The following TMED3 variants were observed in gnomAD, a reference collection of about 807,000 sequenced individuals.
The protein encoded by TMED3 is transmembrane emp24 domain-containing protein 3.
Under a neutral mutation model 15.0 loss-of-function variants are expected in TMED3, and 9 were observed. The observed-to-expected ratio is 0.60, with a 90% CI of 0.36 to 1.04. The LOEUF (loss-of-function observed/expected upper bound fraction) is 1.04, where lower values mean the gene tolerates loss of function less well. Among genes scored for constraint, TMED3 ranks in the 50% least tolerant of loss-of-function variants. TMED3 has a pLI of 0.01. For synonymous variants in TMED3, 117 were observed against 121.4 expected (o/e 0.96, Z 0.24); for missense variants, 267 against 278.9 (o/e 0.96, Z 0.30).
At chr15:79,329,669 G>A (rs1474407826) in intron 2 of TMED3, among the ~76,000 whole-genome samples, 3 of 152,196 alleles carry the variant, frequency 2.0e-5, no homozygotes, top group East Asian at 1.9e-4. Context: ...CCTCAGAGCC[G>A]GAGCAGGTAG....
chr15:79,370,155 A>G (rs1206758030), intron 2 of TMED3, among the ~76,000 whole-genome samples: 1 of 150,736 alleles, frequency 6.6e-6, no homozygotes, highest in East Asian at 2.0e-4. Flanking sequence ...TAGTGGCGTG[A>G]TCTCGGCTCA....
At chr15:79,339,902 T>G (rs2058845021) in intron 2 of TMED3, among the ~76,000 whole-genome samples, 1 of 142,352 alleles carries the variant, frequency 7.0e-6, no homozygotes, top group Non-Finnish European at 1.6e-5. Flanking sequence ...TGGTGGTGAT[T>G]AGGATGGTGA....
chr15:79,380,590 T>G (rs554501868), intron 2 of TMED3, among the ~76,000 whole-genome samples: 18,147 of 143,924 alleles, frequency 0.13, 1,424 homozygotes, highest in South Asian at 0.2. Flanking sequence ...TTTATATATA[T>G]ATATATATAT....
At chr15:79,341,282 G>A (rs554070699) in intron 2 of TMED3, among the ~76,000 whole-genome samples, 79 of 151,856 alleles carry the variant, frequency 5.2e-4, no homozygotes, top group Non-Finnish European at 8.5e-4. Context: ...CATGAGCAGA[G>A]GCACAGAGTT....
chr15:79,405,458 G>A (rs922038639), intron 2 of TMED3, among the ~76,000 whole-genome samples: 13 of 152,170 alleles, frequency 8.5e-5, no homozygotes, highest in African/African-American at 2.2e-4. Flanking sequence ...AAGCCTTCCA[G>A]CATGTCTGAT....
intron 2 of TMED3, among the ~76,000 whole-genome samples, chr15:79,336,961 C>T (rs893949666): frequency 6.6e-5 from 10 of 152,174 alleles, no homozygotes; most frequent in African/African-American, 2.2e-4. Flanking sequence ...GTCACCAGAG[C>T]AAGGGGCTTG....
chr15:79,353,076 TTA>T (rs1263610143), intron 2 of TMED3, among the ~76,000 whole-genome samples: 1 of 105,036 alleles, frequency 9.5e-6, no homozygotes, highest in African/African-American at 3.9e-5. Context: ...AAAATATATA[TTA>T]TATATAAAAT....
chr15:79,333,377 A>G (rs549463725), intron 2 of TMED3, among the ~76,000 whole-genome samples: 1 of 152,318 alleles, frequency 6.6e-6, no homozygotes, highest in East Asian at 1.9e-4. Context: ...GCTCACCACC[A>G]AACTGCAAAC....
intron 2 of TMED3, among the ~76,000 whole-genome samples, chr15:79,370,892 T>C (rs28430783): frequency 0.34 from 51,176 of 152,040 alleles, 8,768 homozygotes; most frequent in East Asian, 0.53. Context: ...TCCTTTGTGG[T>C]TGACTTTCAT....
chr15:79,348,828 A>AGT (rs2058880594), intron 2 of TMED3, among the ~76,000 whole-genome samples: 1 of 151,884 alleles, frequency 6.6e-6, no homozygotes, highest in Admixed American at 6.6e-5. Context: ...ACTTGTTGTG[A>AGT]CTTGTGTTTT....
rs551016766 is a variant in TMED3, at chr15:79,396,327, G to A, written c.418-15073G>A. ...AGTCAGGAATTTATAAAGGGCACAC[G>A]GAGAGTAACTTGTCATGACTCCACT... is the stretch of plus-strand genomic sequence containing the variant. On this transcript the variant is annotated intron_variant, in intron 2 of 2. Transcript: ENST00000424155. 1.1e-4 allele frequency among the ~76,000 whole-genome samples: 16 copies of A among 152,284 alleles called. No homozygotes were observed. In the South Asian group the frequency reaches 2.7e-3, roughly 26 times the overall value.
At chr15:79,313,715 T>G in intron 1 of TMED3, 42 bp from the exon 2 acceptor site, 1 of 1,590,096 alleles carries the variant, frequency 6.3e-7, no homozygotes, top group Non-Finnish European at 8.6e-7. Flanking sequence ...TGGTAAGTGG[T>G]GGTTGCTCCT....
intron 2 of TMED3, among the ~76,000 whole-genome samples, chr15:79,353,247 TA>T (rs2058902586): frequency 2.5e-5 from 1 of 40,096 alleles, no homozygotes; most frequent in African/African-American, 1.3e-4. Context: ...ATATATATAC[TA>T]TATATAATAT....
downstream of TMED3, chr15:79,323,022 G>A (rs1045198404): frequency 4.2e-6 from 2 of 472,424 alleles, no homozygotes; most frequent in African/African-American, 2.1e-5. Context: ...AAACAAAATA[G>A]GAAGTCTCCT....
chr15:79,362,517 T>C (rs974511845), intron 2 of TMED3, among the ~76,000 whole-genome samples: 2 of 152,072 alleles, frequency 1.3e-5, no homozygotes, highest in Non-Finnish European at 2.9e-5. Context: ...TAAAAGTTAA[T>C]ATAAAATATT....
rs1416300452 is a variant in TMED3, at chr15:79,311,397, A to T, written c.148A>T (p.Lys50Ter). Residue 50 changes from lysine (K) to a stop codon, truncating the protein, a stop_gained, in exon 1 of 3, where the codon AAG (lysine) becomes TAG (stop). Coordinates refer to ENST00000299705, the MANE Select transcript of TMED3 (RefSeq NM_007364.4). LOFTEE classifies it high-confidence loss of function. ...CFHEEVEQGV[K>*]FSLDYQVITG... is the part of the protein sequence containing the mutation. ...CCACGAGGAGGTGGAGCAGGGCGTGAAGTTCTCCCTGGATTACCAGGTGAG... is the reference window on the plus strand; with the variant it reads ...CCACGAGGAGGTGGAGCAGGGCGTGTAGTTCTCCCTGGATTACCAGGTGAG... 3.1e-6 allele frequency: 5 copies of T among 1,611,068 alleles called. No homozygotes were observed. In the African/African-American group the frequency reaches 6.7e-5, roughly 22 times the overall value.
At position 79,381,964 on chromosome 15, in the gene TMED3, A is replaced by G. The variant is rs118062334; in HGVS notation, c.418-29436A>G. ...CAGCTCTATCACTAATGAAGAAGCA[A>G]TTTAAGCTTTTGGGGCCCCAGTTTC... On this transcript the variant is annotated intron_variant, in intron 2 of 2. Coordinates refer to the TMED3 transcript ENST00000424155. Among the ~76,000 whole-genome samples the G allele has an allele frequency of 4.0e-3, 604 of 152,318 alleles. 2 individuals are homozygous for G. Among genetic ancestry groups the G allele is most frequent in the Non-Finnish European group, 7.2e-3 (487 of 68,024 alleles).
intron 2 of TMED3, among the ~76,000 whole-genome samples, chr15:79,391,772 G>T (rs1384902991): frequency 6.6e-6 from 1 of 152,054 alleles, no homozygotes; most frequent in Non-Finnish European, 1.5e-5. Context: ...CCAGTGTTTG[G>T]TGCATATATG....
In TMED3 at chr15:79,311,159, A is replaced by C; in HGVS notation, c.-91A>C. ...GCTGGTGCCACGTCTATCCCCTTAC[A>C]TCCTCCTAGGACCCGGTCGGTAGTC... On this transcript the variant is annotated 5_prime_UTR_variant, in exon 1 of 3. Coordinates refer to ENST00000299705, the MANE Select transcript of TMED3 (RefSeq NM_007364.4). 7.1e-7 allele frequency: 1 copy of C among 1,401,744 alleles called. No individual in the cohort carries two copies. The highest frequency in any genetic ancestry group is 9.5e-7 in the Non-Finnish European group (1 of 1,057,914). The allele number at this position is 1,401,744 out of a possible 1,614,324, so 86.8% of individuals were successfully genotyped here. A position where few individuals can be genotyped will look rare whatever the true frequency, so the allele number is the denominator to read the frequency against.
Sources: allele counts gnomAD v4.1 joint callset (sites outside exome capture counted in the v4.1 genomes callset), GRCh38; gene constraint gnomAD v4.1.1; transcripts MANE v1.5; gene names NCBI Gene and HGNC (gene_info 2026-07-23, HGNC 2026-07-21).